DLG2: variants seen among roughly 807,000 people sequenced by gnomAD.
DLG2 encodes disks large homolog 2.
In DLG2, 45 loss-of-function variants were observed where a neutral mutation model predicts 132.5. The observed-to-expected ratio is 0.34, with a 90% CI of 0.27 to 0.44. DLG2 has a LOEUF of 0.44. Ranked by LOEUF, DLG2 falls within the 20% of genes least tolerant of loss-of-function variation. The pLI, the probability that DLG2 is intolerant of heterozygous loss-of-function variation, is 1.00. For synonymous variants in DLG2, 424 were observed against 419.6 expected (o/e 1.01, Z -0.13); for missense variants, 1,045 against 1,196.9 (o/e 0.87, Z 1.87).
chr11:84,411,280 G>C (rs921422335), intron 7 of DLG2, among the ~76,000 whole-genome samples: 21 of 152,176 alleles, frequency 1.4e-4, no homozygotes, highest in African/African-American at 4.6e-4. Context: ...CAGTGTTCCT[G>C]ACACAACAGC....
chr11:83,803,132 T>C (rs1191186202), intron 17 of DLG2, among the ~76,000 whole-genome samples: 1 of 152,174 alleles, frequency 6.6e-6, no homozygotes, highest in Non-Finnish European at 1.5e-5. Context: ...GGTAATCAAA[T>C]TTTCAAACAT....
At chr11:84,918,772 A>G (rs911758644) in intron 6 of DLG2, among the ~76,000 whole-genome samples, 3 of 152,180 alleles carry the variant, frequency 2.0e-5, no homozygotes, top group Non-Finnish European at 2.9e-5. Context: ...TTCAAAGGCT[A>G]TGAGGTTTTT....
rs147833579 is a variant in DLG2 at position 84,854,720 on chromosome 11, T to C, written c.357+256941A>G. Among the ~76,000 whole-genome samples the C allele has an allele frequency of 3.4e-3, 510 of 152,134 alleles. 4 individuals carry two copies. The highest frequency in any genetic ancestry group is 0.011 in the African/African-American group (456 of 41,532). The stretch of plus-strand genomic sequence containing the variant: ...GTCTGTCCCTGCCCAAAATGCCTTC[T>C]TCATTCCTCATTATCGAGGCAAGTT... On this transcript the variant is annotated intron_variant, in intron 6 of 27. Coordinates refer to ENST00000376104, the MANE Select transcript of DLG2 (RefSeq NM_001142699.3).
intron 6 of DLG2, among the ~76,000 whole-genome samples, chr11:85,048,757 TCAAC>T (rs2062603148): frequency 6.6e-6 from 1 of 152,040 alleles, no homozygotes; most frequent in Non-Finnish European, 1.5e-5. Context: ...TGTGAATACT[TCAAC>T]AGAATAGAAA....
chr11:83,877,327 C>T, intron 15 of DLG2, among the ~76,000 whole-genome samples: 1 of 152,060 alleles, frequency 6.6e-6, no homozygotes, highest in East Asian at 1.9e-4. Context: ...TGCAAAATGT[C>T]TAATCCTTTC....
chr11:84,685,928 C>G (rs2099737787), intron 6 of DLG2, among the ~76,000 whole-genome samples: 1 of 152,168 alleles, frequency 6.6e-6, no homozygotes, highest in Non-Finnish European at 1.5e-5. Flanking sequence ...ACCTCGTGAT[C>G]CGCCTGCCTC....
Position 84,659,779 on chromosome 11 carries a change from C to T in DLG2, c.358-125048G>A, listed in dbSNP as rs2099692494. Among the ~76,000 whole-genome samples, 2 of 152,050 alleles carry T rather than the reference C, an allele frequency of 1.3e-5. 1 individual carries two copies. Among genetic ancestry groups the T allele is most frequent in the South Asian group, 4.1e-4 (2 of 4,828 alleles). ...TATCAATTGCAAGTTTGGGGGATTC[C>T]CAAGGTTACCTTCAACTTTTATCAT... On this transcript the variant is annotated intron_variant, in intron 6 of 27. Transcript: ENST00000376104.
chr11:83,690,135 G>C (rs1049745179), intron 18 of DLG2, among the ~76,000 whole-genome samples: 2 of 149,744 alleles, frequency 1.3e-5, no homozygotes, highest in Non-Finnish European at 3.0e-5. Flanking sequence ...TAACAAAACA[G>C]AAATTTAAAG....
intron 2 of DLG2, among the ~76,000 whole-genome samples, chr11:85,611,385 C>G (rs1046786084): frequency 3.3e-5 from 5 of 152,166 alleles, no homozygotes; most frequent in Non-Finnish European, 5.9e-5. Context: ...CTTCAAATAC[C>G]TATGTGTGCA....
intron 3 of DLG2, among the ~76,000 whole-genome samples, chr11:85,399,449 C>T (rs1281464700): frequency 6.6e-6 from 1 of 152,068 alleles, no homozygotes; most frequent in Non-Finnish European, 1.5e-5. Context: ...TCATATGGAA[C>T]CAAAAAAGAG....
rs2090185685 is a variant in DLG2 at position 84,896,370 on chromosome 11, A to C, written c.357+215291T>G. Among the ~76,000 whole-genome samples the C allele has an allele frequency of 2.0e-5, 3 of 152,204 alleles. No individual in the cohort carries two copies. The South Asian group carries it at 6.2e-4, about 32-fold the overall frequency. On this transcript the variant is annotated intron_variant, in intron 6 of 27. Transcript: ENST00000376104. ...ATGCTTGTTAAAGATGTGGATGCTT[A>C]AGTGCTACAAGTTTTTCCTCCCAAT...
Position 84,597,615 on chromosome 11 carries a change from T to A in DLG2, c.358-62884A>T, listed in dbSNP as rs181486491. 7.2e-5 allele frequency among the ~76,000 whole-genome samples: 11 copies of A among 152,314 alleles called. No individual in the cohort carries two copies. The East Asian group carries it at 2.1e-3, about 29-fold the overall frequency. ...TTTCAAGAGAAAGGCTAAGATGATA[T>A]GGCAGTGGCAACCATGAACCATTAA... On this transcript the variant is annotated intron_variant, in intron 6 of 27. Transcript: ENST00000376104.
chr11:84,276,997 T>C (rs10792752), intron 7 of DLG2, among the ~76,000 whole-genome samples: 98,686 of 152,010 alleles, frequency 0.65, 32,432 homozygotes, highest in Middle Eastern at 0.75. Flanking sequence ...CTAATTCTTA[T>C]AGCCTTTAAC....
intron 6 of DLG2, among the ~76,000 whole-genome samples, chr11:84,710,319 C>T (rs930809466): frequency 1.6e-4 from 24 of 151,836 alleles, no homozygotes; most frequent in Admixed American, 2.0e-4. Flanking sequence ...GAGGTGCCCA[C>T]TATAATGTTA....
chr11:85,344,676 T>C (rs2082710078), intron 3 of DLG2, among the ~76,000 whole-genome samples: 1 of 152,210 alleles, frequency 6.6e-6, no homozygotes. Flanking sequence ...TGTATTTTCA[T>C]AATTTCTCAA....
At chr11:85,249,408 T>C (rs569772594) in intron 4 of DLG2, among the ~76,000 whole-genome samples, 331 of 151,916 alleles carry the variant, frequency 2.2e-3, no homozygotes, top group Non-Finnish European at 3.5e-3. Flanking sequence ...TTTATATGTG[T>C]ATATATCATG....
chr11:84,971,588 T>C (rs574660670), intron 6 of DLG2, among the ~76,000 whole-genome samples: 30 of 152,270 alleles, frequency 2.0e-4, no homozygotes, highest in African/African-American at 6.7e-4. Context: ...TGTTGAGATT[T>C]TAAAATGTCA....
intron 7 of DLG2, among the ~76,000 whole-genome samples, chr11:84,308,908 C>T (rs903741040): frequency 2.6e-5 from 4 of 152,180 alleles, no homozygotes; most frequent in Non-Finnish European, 5.9e-5. Context: ...AGTTCCCGCC[C>T]GCGCCTCTCC....
chr11:85,246,630 A>G (rs1039144483), intron 4 of DLG2, among the ~76,000 whole-genome samples: 4 of 151,654 alleles, frequency 2.6e-5, no homozygotes, highest in African/African-American at 9.7e-5. Flanking sequence ...AGCTTTAAGT[A>G]TGATGAAGAT....
Sources: allele counts gnomAD v4.1 joint callset (sites outside exome capture counted in the v4.1 genomes callset), GRCh38; gene constraint gnomAD v4.1.1; transcripts MANE v1.5; gene names NCBI Gene and HGNC (gene_info 2026-07-23, HGNC 2026-07-21).